DTNB: variants seen among roughly 807,000 people sequenced by gnomAD.
DTNB encodes dystrobrevin beta, also known as DTN-B.
In DTNB, 63 loss-of-function variants were observed where a neutral mutation model predicts 90.7. The observed-to-expected ratio is 0.69, with a 90% CI of 0.57 to 0.86. The LOEUF (loss-of-function observed/expected upper bound fraction) is 0.86. DTNB is among the 40% of genes least tolerant of loss of function. The probability of loss-of-function intolerance (pLI) is 0.00; values close to 1 mark genes in which losing one functional copy is unlikely to be tolerated. For missense variants in DTNB, 744 were observed against 807.1 expected (o/e 0.92, Z 0.95); for synonymous variants, 277 against 286.7 (o/e 0.97, Z 0.34).
At position 25,628,330 on chromosome 2, in the gene DTNB, T is replaced by C. The variant is rs1305893737; in HGVS notation, c.203A>G (p.Asn68Ser). 6.2e-7 allele frequency: 1 copy of C among 1,605,328 alleles called. No homozygotes were observed. Among genetic ancestry groups the C allele is most frequent in the Non-Finnish European group, 8.5e-7 (1 of 1,176,280 alleles). The part of the protein sequence containing the change: ...MIEAFRDNGL[N>S]TLDHTTEISV... ...GATCTCGGTGGTATGGTCCAGTGTA[T>C]TAAGGCCATTGTCTCGGAAGGCTTC... Residue 68 changes from asparagine to serine, a missense_variant, in exon 4 of 21, where the codon AAT (asparagine) becomes AGT (serine). Asn to Ser is a conservative substitution (Grantham distance 46, BLOSUM62 1). Coordinates refer to ENST00000406818, the MANE Select transcript of DTNB (RefSeq NM_021907.5).
intron 11 of DTNB, among the ~76,000 whole-genome samples, chr2:25,454,892 T>C (rs190309496): frequency 2.4e-4 from 36 of 152,274 alleles, no homozygotes; most frequent in African/African-American, 7.7e-4. Flanking sequence ...CCCAATACCA[T>C]TGTTGGGAAT....
chr2:25,445,542 A>G (rs1031635854), intron 12 of DTNB, among the ~76,000 whole-genome samples: 2 of 152,222 alleles, frequency 1.3e-5, no homozygotes, highest in South Asian at 2.1e-4. Context: ...ATAAATTGGT[A>G]CGCATTTCCA....
At chr2:25,473,262 GA>G (rs886664950) in intron 10 of DTNB, among the ~76,000 whole-genome samples, 30 of 151,960 alleles carry the variant, frequency 2.0e-4, no homozygotes, top group Non-Finnish European at 2.6e-4. Flanking sequence ...TAAGAGGAGT[GA>G]AAAAAAATCT....
rs1365484640 is a variant in DTNB at position 25,526,391 on chromosome 2, ATATAT to A, written c.1001+5077_1001+5081del. On this transcript the variant is annotated intron_variant, in intron 9 of 20. Transcript: ENST00000406818. ...TATATATATATATATATATATATAT[ATATAT>A]TTTTTTTTTTTTAATTGAGACAGAG... Among the ~76,000 whole-genome samples the A allele has an allele frequency of 6.1e-3, 394 of 64,554 alleles. 1 individual carries two copies. Among genetic ancestry groups the A allele is most frequent in the Middle Eastern group, 0.021 (3 of 140 alleles). 42.3% of individuals were successfully genotyped at this position (64,554 alleles called of 152,430 possible).
chr2:25,475,664 A>G (rs1226003699), intron 10 of DTNB, among the ~76,000 whole-genome samples: 1 of 152,228 alleles, frequency 6.6e-6, no homozygotes, highest in African/African-American at 2.4e-5. Context: ...GCTAGAGAGA[A>G]GAAGTCAATG....
chr2:25,625,169 C>T (rs890679766), intron 4 of DTNB, among the ~76,000 whole-genome samples: 3 of 152,080 alleles, frequency 2.0e-5, no homozygotes, highest in Non-Finnish European at 2.9e-5. Context: ...AAACTTTAAC[C>T]TTATGGAATT....
chr2:25,584,141 C>T (rs911227349), intron 6 of DTNB, among the ~76,000 whole-genome samples: 3 of 152,158 alleles, frequency 2.0e-5, no homozygotes, highest in African/African-American at 7.2e-5. Context: ...TGGAGTTTCA[C>T]GGAGCTTTGG....
chr2:25,451,845 C>A (rs912088780), intron 11 of DTNB, among the ~76,000 whole-genome samples: 2 of 152,166 alleles, frequency 1.3e-5, no homozygotes, highest in African/African-American at 4.8e-5. Context: ...GGCAGCACAT[C>A]CCCGCTGCTC....
At chr2:25,545,705 T>C (rs2082272507) in intron 8 of DTNB, among the ~76,000 whole-genome samples, 1 of 152,204 alleles carries the variant, frequency 6.6e-6, no homozygotes, top group Non-Finnish European at 1.5e-5. Flanking sequence ...CACTGCAGCC[T>C]CCGCCTCCCG....
chr2:25,530,461 C>G (rs1334621241), intron 9 of DTNB, among the ~76,000 whole-genome samples: 1 of 151,958 alleles, frequency 6.6e-6, no homozygotes, highest in African/African-American at 2.4e-5. Context: ...ATAATAATGT[C>G]TAAAACTGAT....
chr2:25,574,719 C>T (rs2060397235), intron 8 of DTNB, among the ~76,000 whole-genome samples: 1 of 152,220 alleles, frequency 6.6e-6, no homozygotes, highest in South Asian at 2.1e-4. Context: ...ACAAGGCATA[C>T]ATCCATCAAA....
intron 8 of DTNB, among the ~76,000 whole-genome samples, chr2:25,568,866 C>T (rs903166636): frequency 6.6e-6 from 1 of 152,354 alleles, no homozygotes; most frequent in East Asian, 1.9e-4. Context: ...TGACTCTTCA[C>T]ATAAGGCAGA....
At position 25,379,301 on chromosome 2, in the gene DTNB, C is replaced by G. The variant is rs765665995; in HGVS notation, c.*18G>C. ...CTCTTTGTACTCACCTGAGCTTCCT[C>G]TGTGTCCGGCTCCTCTGCTAACCTG... On this transcript the variant is annotated 3_prime_UTR_variant, in exon 20 of 21. Coordinates refer to ENST00000406818, the MANE Select transcript of DTNB (RefSeq NM_021907.5). The G allele has an allele frequency of 7.6e-7, 1 of 1,323,668 alleles. No individual in the cohort carries two copies. Among genetic ancestry groups the G allele is most frequent in the Admixed American group, 3.1e-5 (1 of 32,280 alleles). The allele number at this position is 1,323,668 out of a possible 1,614,324, so 82.0% of individuals were successfully genotyped here.
At chr2:25,433,886 T>C in intron 13 of DTNB, 24 bp downstream of exon 13, 2 of 1,611,936 alleles carry the variant, frequency 1.2e-6, no homozygotes, top group Non-Finnish European at 8.5e-7. Flanking sequence ...ACTCTGGAAG[T>C]GGGCTCAGCC....
At chr2:25,488,776 G>A (rs187355625) in intron 9 of DTNB, among the ~76,000 whole-genome samples, 1 of 152,048 alleles carries the variant, frequency 6.6e-6, no homozygotes, top group Non-Finnish European at 1.5e-5. Context: ...TCACCCTCCC[G>A]AGTAGCTGGG....
At chr2:25,508,062 A>C (rs2072930563) in intron 9 of DTNB, among the ~76,000 whole-genome samples, 1 of 151,934 alleles carries the variant, frequency 6.6e-6, no homozygotes, top group Non-Finnish European at 1.5e-5. Context: ...CTAGACCTCC[A>C]ATACTGCCCA....
intron 10 of DTNB, among the ~76,000 whole-genome samples, chr2:25,481,225 C>T (rs2064867795): frequency 6.6e-6 from 1 of 151,238 alleles, no homozygotes; most frequent in African/African-American, 2.4e-5. Context: ...TGGTGAAACC[C>T]AATCTCTACT....
At chr2:25,508,695 G>A (rs916151957) in intron 9 of DTNB, among the ~76,000 whole-genome samples, 7 of 151,508 alleles carry the variant, frequency 4.6e-5, no homozygotes, top group South Asian at 2.1e-4. Context: ...CCACCACGCC[G>A]GGCTAATTTT....
At chr2:25,575,460 C>G (rs1003177118) in intron 8 of DTNB, among the ~76,000 whole-genome samples, 1 of 151,646 alleles carries the variant, frequency 6.6e-6, no homozygotes, top group Non-Finnish European at 1.5e-5. Context: ...CACAACAAGA[C>G]CCAGGATAGG....
Sources: allele counts gnomAD v4.1 joint callset (sites outside exome capture counted in the v4.1 genomes callset), GRCh38; gene constraint gnomAD v4.1.1; transcripts MANE v1.5; gene names NCBI Gene and HGNC (gene_info 2026-07-23, HGNC 2026-07-21).